The following RXRG variants were observed in gnomAD, a reference collection of about 807,000 sequenced individuals.
The protein encoded by RXRG is retinoic acid receptor RXR-gamma.
Under a neutral mutation model 49.2 loss-of-function variants are expected in RXRG, and 19 were observed. That is an observed-to-expected ratio of 0.39 (90% CI 0.27 to 0.57). The LOEUF is 0.57. RXRG is among the 20% of genes least tolerant of loss of function. The pLI is 0.64. For missense variants in RXRG, 452 were observed against 592.5 expected (o/e 0.76, Z 2.46); for synonymous variants, 224 against 216.6 (o/e 1.03, Z -0.30).
At chr1:165,406,434 TC>T (rs551297618) in intron 9 of RXRG, among the ~76,000 whole-genome samples, 224 of 152,246 alleles carry the variant, frequency 1.5e-3, no homozygotes, top group Non-Finnish European at 2.5e-3. Flanking sequence ...CGAACAGGGT[TC>T]ACATCTCACC....
rs1406760880 is a variant in RXRG at position 165,401,084 on chromosome 1, A to C, written c.*179T>G. Reference sequence around the variant, plus strand: ...GACAGCAAAGCGTATTACCTTTAACATCTATACAAAAGTCCACCTATAAAA... The same window carrying C: ...GACAGCAAAGCGTATTACCTTTAACCTCTATACAAAAGTCCACCTATAAAA... On this transcript the variant is annotated 3_prime_UTR_variant, in exon 10 of 10. Coordinates refer to ENST00000359842, the MANE Select transcript of RXRG (RefSeq NM_006917.5). The C allele has an allele frequency of 3.3e-6, 2 of 600,356 alleles. No individual in the cohort carries two copies. The highest frequency in any genetic ancestry group is 3.1e-5 in the Admixed American group (1 of 31,936). The allele number at this position is 600,356 out of a possible 1,614,324, so 37.2% of individuals were successfully genotyped here.
Position 165,412,279 on chromosome 1 carries a change from G to C in RXRG, c.623-1170C>G, listed in dbSNP as rs75079950. Among the ~76,000 whole-genome samples, 1,183 of 152,222 alleles carry C rather than the reference G, an allele frequency of 7.8e-3. 6 individuals carry two copies. Among genetic ancestry groups the C allele is most frequent in the Middle Eastern group, 0.017 (5 of 294 alleles). The stretch of plus-strand genomic sequence containing the variant: ...ATGCTCCAAAACTTAGTGGAGATAC[G>C]CCAAAAAGCTTCAAGACAAGAATGG... On this transcript the variant is annotated intron_variant, in intron 4 of 9. Coordinates refer to ENST00000359842, the MANE Select transcript of RXRG (RefSeq NM_006917.5).
chr1:165,413,396 T>G (rs552125891), intron 4 of RXRG, among the ~76,000 whole-genome samples: 14 of 152,340 alleles, frequency 9.2e-5, no homozygotes, highest in African/African-American at 3.4e-4. Context: ...ACATTTTAGA[T>G]AGATTACATT....
chr1:165,442,466 T>C (rs1432537833), intron 1 of RXRG, among the ~76,000 whole-genome samples: 1 of 152,234 alleles, frequency 6.6e-6, no homozygotes, highest in Non-Finnish European at 1.5e-5. Flanking sequence ...AAGTTCCCTA[T>C]ACTATACTGA....
intron 2 of RXRG, among the ~76,000 whole-genome samples, chr1:165,420,518 G>A (rs1658280096): frequency 6.6e-6 from 1 of 152,192 alleles, no homozygotes; most frequent in Admixed American, 6.5e-5. Flanking sequence ...GCCAGACACT[G>A]TGCCAGGCTC....
At chr1:165,416,333 C>A (rs961690723) in intron 4 of RXRG, among the ~76,000 whole-genome samples, 1 of 152,044 alleles carries the variant, frequency 6.6e-6, no homozygotes, top group Admixed American at 6.5e-5. Flanking sequence ...TGTCTACTAA[C>A]GGGACAGAAA....
At chr1:165,412,325 G>A (rs1487032663) in intron 4 of RXRG, among the ~76,000 whole-genome samples, 1 of 152,074 alleles carries the variant, frequency 6.6e-6, no homozygotes, top group Non-Finnish European at 1.5e-5. Flanking sequence ...TTGAGAGAGA[G>A]GCAAGGAGGG....
chr1:165,407,108 G>A (rs1657781768), intron 8 of RXRG, among the ~76,000 whole-genome samples, 191 bp from the exon 9 acceptor site: 1 of 152,134 alleles, frequency 6.6e-6, no homozygotes, highest in Admixed American at 6.6e-5. Context: ...AACTCTTGGG[G>A]CAAAGATTTT....
intron 1 of RXRG, among the ~76,000 whole-genome samples, chr1:165,443,953 A>G (rs889848271): frequency 6.6e-6 from 1 of 152,212 alleles, no homozygotes; most frequent in Non-Finnish European, 1.5e-5. Flanking sequence ...CCAACTGACA[A>G]GCGACAGGCC....
In RXRG at chr1:165,444,852, G is replaced by C. The variant is rs1659111084; in HGVS notation, c.42C>G (p.Gly14=). The stretch of plus-strand genomic sequence containing the variant: ...CCCAAGGGAGATACTTACCTCCATA[G>C]CCTGCGGGAAACTTCATGAAGTGAG... ...NYSHFMKFPA[G]YGGSPGHTGS... The change falls in exon 1 of 10, where the codon GGC becomes GGG. Residue 14 remains glycine, a synonymous_variant. Coordinates refer to ENST00000359842, the MANE Select transcript of RXRG (RefSeq NM_006917.5). The C allele has an allele frequency of 6.2e-7, 1 of 1,613,906 alleles. No homozygotes were observed. The highest frequency in any genetic ancestry group is 1.7e-5 in the Admixed American group (1 of 59,998).
At chr1:165,435,165 T>C (rs1191304925) in intron 1 of RXRG, among the ~76,000 whole-genome samples, 1 of 152,214 alleles carries the variant, frequency 6.6e-6, no homozygotes. Flanking sequence ...AAGCACATAA[T>C]GTAAACATCA....
In RXRG at chr1:165,410,724, G is replaced by A; in HGVS notation, c.891C>T (p.Asp297=). 6.2e-7 allele frequency: 1 copy of A among 1,614,024 alleles called. No individual in the cohort carries two copies. Among genetic ancestry groups the A allele is most frequent in the Admixed American group, 1.7e-5 (1 of 60,012 alleles). Residue 297 remains aspartate, a synonymous_variant, in exon 6 of 10, where the codon GAC becomes GAT. Transcript: ENST00000359842. ...TACCTGCCCGAAGCAAAATGACCTGGTCCTCCAAGGTGAGGTCAGAGAAGT... is the reference window on the plus strand; with the variant it reads ...TACCTGCCCGAAGCAAAATGACCTGATCCTCCAAGGTGAGGTCAGAGAAGT... ...IPHFSDLTLE[D]QVILLRAGWN...
At chr1:165,404,909 C>T (rs1169232895) in intron 9 of RXRG, among the ~76,000 whole-genome samples, 2 of 152,142 alleles carry the variant, frequency 1.3e-5, no homozygotes, top group South Asian at 2.1e-4. Flanking sequence ...TAAGCTCATG[C>T]CACCACACCT....
intron 6 of RXRG, 80 bp from the exon 7 acceptor site, chr1:165,409,770 T>C: frequency 8.0e-7 from 1 of 1,244,118 alleles, no homozygotes; most frequent in African/African-American, 1.6e-5. Flanking sequence ...GCATGTACTA[T>C]TATCCCACAT....
chr1:165,428,357 A>T (rs1571282463), intron 2 of RXRG, among the ~76,000 whole-genome samples: 1 of 152,240 alleles, frequency 6.6e-6, no homozygotes, highest in South Asian at 2.1e-4. Context: ...ATTGCCTTTA[A>T]CAAGAGCACG....
intron 1 of RXRG, among the ~76,000 whole-genome samples, chr1:165,443,735 C>T (rs1489195881): frequency 1.3e-5 from 2 of 152,206 alleles, no homozygotes; most frequent in Non-Finnish European, 2.9e-5. Context: ...ACAGAGATCA[C>T]TTCTACCTTG....
chr1:165,413,563 G>A (rs1299195991), intron 4 of RXRG, among the ~76,000 whole-genome samples: 2 of 152,114 alleles, frequency 1.3e-5, no homozygotes, highest in African/African-American at 2.4e-5. Flanking sequence ...TGCCTCCAAG[G>A]TACTGGGCTA....
At chr1:165,424,947 G>A (rs1658437674) in intron 2 of RXRG, 2 of 985,408 alleles carry the variant, frequency 2.0e-6, no homozygotes, top group Non-Finnish European at 1.2e-6. Context: ...TGGTTCCGGA[G>A]CCCAAGCCCA....
At chr1:165,409,066 G>T (rs1004668482) in intron 7 of RXRG, among the ~76,000 whole-genome samples, 1 of 152,088 alleles carries the variant, frequency 6.6e-6, no homozygotes, top group African/African-American at 2.4e-5. Flanking sequence ...ACGAAGATGG[G>T]TTTGCTCCTG....
Sources: gnomAD v4.1 joint callset for allele counts (sites outside exome capture counted in the v4.1 genomes callset) on GRCh38, gnomAD v4.1.1 for gene constraint, MANE v1.5 for transcripts, NCBI Gene and HGNC (gene_info 2026-07-23, HGNC 2026-07-21) for gene names.